Variants in AKAIN1 observed in about 807,000 individuals in gnomAD.
AKAIN1 encodes A-kinase anchor protein inhibitor 1.
Under a neutral mutation model 3.7 loss-of-function variants are expected in AKAIN1, and 3 were observed. The ratio of observed to expected loss-of-function variants is 0.82; its 90% CI spans 0.37 to 2.12. The LOEUF is 2.12. Among genes scored for constraint, AKAIN1 ranks in the 30% most tolerant of loss-of-function variants. AKAIN1 has a pLI of 0.06. For synonymous variants in AKAIN1, 31 were observed against 30.8 expected (o/e 1.01, Z -0.02); for missense variants, 82 against 82.7 (o/e 0.99, Z 0.03).
intron 1 of AKAIN1, among the ~76,000 whole-genome samples, chr18:5,159,084 T>G (rs1244024914): frequency 6.8e-6 from 1 of 147,868 alleles, no homozygotes; most frequent in African/African-American, 2.6e-5. Context: ...GAATCTTGGC[T>G]CTTTTTACTG....
chr18:5,176,908 T>C (rs987808008), intron 1 of AKAIN1, among the ~76,000 whole-genome samples: 2 of 152,132 alleles, frequency 1.3e-5, no homozygotes, highest in Non-Finnish European at 2.9e-5. Flanking sequence ...TGCACCTATA[T>C]ACAGTCTGGA....
Position 5,145,673 on chromosome 18 carries a change from A to G in AKAIN1, c.99T>C (p.Ala33=), listed in dbSNP as rs367797718. ...GACTCTCCTGGGAGACTTGCTGCAC[A>G]GCTTGCAGGATTGCATTCTGCACAA... ...KQIVQNAILQ[A]VQQVSQESQR... The change falls in exon 2 of 2, where the codon GCT becomes GCC. Residue 33 remains alanine (A), a synonymous_variant. Coordinates refer to ENST00000434239, the MANE Select transcript of AKAIN1 (RefSeq NM_001145194.2). 112 of 1,551,576 alleles carry G rather than the reference A, an allele frequency of 7.2e-5. No individual in the cohort carries two copies. The East Asian group carries it at 1.3e-3, about 19-fold the overall frequency.
At chr18:5,189,762 T>TG (rs1183113340) in intron 1 of AKAIN1, among the ~76,000 whole-genome samples, 1 of 151,952 alleles carries the variant, frequency 6.6e-6, no homozygotes, top group African/African-American at 2.4e-5. Context: ...CTCTCTTTTT[T>TG]TTTTTCTGAG....
intron 1 of AKAIN1, among the ~76,000 whole-genome samples, chr18:5,155,763 A>G (rs888125410): frequency 2.6e-5 from 4 of 152,198 alleles, no homozygotes; most frequent in African/African-American, 9.7e-5. Flanking sequence ...AAAGGAAGCC[A>G]CAGTACCAAG....
chr18:5,145,879 A>C, intron 1 of AKAIN1, 124 bp from the exon 2 acceptor site: 1 of 784,524 alleles, frequency 1.3e-6, no homozygotes, highest in East Asian at 2.7e-5. Flanking sequence ...GGAGTGGACC[A>C]GTTAACTATG....
chr18:5,197,272 G>C, upstream of AKAIN1: 5 of 1,374,170 alleles, frequency 3.6e-6, no homozygotes, highest in Non-Finnish European at 4.7e-6. The surrounding 1 kb of genome is among the most constrained non-coding windows in gnomAD (Gnocchi z 6.9). Context: ...CCACAGCGGC[G>C]GCGGGAGGAG....
Position 5,178,548 on chromosome 18 carries a change from A to G in AKAIN1, c.16+18490T>C, listed in dbSNP as rs141970023. ...TCAGTTTATACTTAATGGGAAAACT[A>G]TGAGATAAAAAGAAAGATGATCATT... On this transcript the variant is annotated intron_variant, in intron 1 of 1. Coordinates refer to ENST00000434239, the MANE Select transcript of AKAIN1 (RefSeq NM_001145194.2). Among the ~76,000 whole-genome samples, 194 of 152,264 alleles carry G rather than the reference A, an allele frequency of 1.3e-3. 1 individual carries two copies. The highest frequency in any genetic ancestry group is 2.4e-3 in the Non-Finnish European group (161 of 67,998).
rs1398569625 is a variant in AKAIN1 at position 5,143,806 on chromosome 18, T to C, written c.*1756A>G. 6.6e-6 allele frequency among the ~76,000 whole-genome samples: 1 copy of C among 152,222 alleles called. No individual in the cohort carries two copies. Among genetic ancestry groups the C allele is most frequent in the Non-Finnish European group, 1.5e-5 (1 of 68,038 alleles). ...AGAGGAAAAATAGTATGTTTATATG[T>C]TTCTGTCACTTGACAGCAAAAACAA... On this transcript the variant is annotated 3_prime_UTR_variant, in exon 2 of 2. Coordinates refer to ENST00000434239, the MANE Select transcript of AKAIN1 (RefSeq NM_001145194.2).
At chr18:5,148,008 C>G (rs891084798) in intron 1 of AKAIN1, among the ~76,000 whole-genome samples, 4 of 152,196 alleles carry the variant, frequency 2.6e-5, no homozygotes, top group African/African-American at 9.7e-5. Context: ...CCTCAGTAAG[C>G]CTCTTTGCAT....
chr18:5,178,470 G>A (rs905047491), intron 1 of AKAIN1, among the ~76,000 whole-genome samples: 2 of 152,120 alleles, frequency 1.3e-5, no homozygotes, highest in African/African-American at 4.8e-5. Flanking sequence ...TCAAACCAGG[G>A]CTAGGCTTGA....
chr18:5,196,026 T>A (rs1426882916), intron 1 of AKAIN1, among the ~76,000 whole-genome samples: 1 of 151,070 alleles, frequency 6.6e-6, no homozygotes, highest in African/African-American at 2.4e-5. Context: ...TTCTTCCCTT[T>A]AAAAAAAAAT....
intron 1 of AKAIN1, among the ~76,000 whole-genome samples, chr18:5,173,576 C>T (rs991442406): frequency 1.3e-5 from 2 of 152,160 alleles, no homozygotes; most frequent in African/African-American, 2.4e-5. Context: ...ACTCATTCAG[C>T]GCCCCAGAGG....
At chr18:5,175,863 G>A (rs2071223407) in intron 1 of AKAIN1, among the ~76,000 whole-genome samples, 1 of 152,038 alleles carries the variant, frequency 6.6e-6, no homozygotes, top group African/African-American at 2.4e-5. Flanking sequence ...AAAACACCAT[G>A]ATATGAGGAG....
intron 1 of AKAIN1, among the ~76,000 whole-genome samples, chr18:5,187,733 C>T (rs74985235): frequency 0.019 from 2,877 of 152,196 alleles, 43 homozygotes; most frequent in Non-Finnish European, 0.026. Flanking sequence ...ACTACCGGAT[C>T]CCACCCCTAG....
In AKAIN1 at chr18:5,197,026, G is replaced by T. The variant is rs896536507; in HGVS notation, c.16+12C>A. ...TCCTAGACACTTGGTGAAAAAGCAA[G>T]GTGCGGTGTACCTGGAGCGAACACC... On this transcript the variant is annotated intron_variant, in intron 1 of 1. Transcript: ENST00000434239. This position sits in a 1 kb window ranked among gnomAD's most constrained non-coding sequence, Gnocchi z 6.9. 6.5e-7 allele frequency: 1 copy of T among 1,549,476 alleles called. No individual in the cohort carries two copies. Among genetic ancestry groups the T allele is most frequent in the East Asian group, 2.4e-5 (1 of 40,884 alleles).
chr18:5,188,570 C>T (rs2071300797), intron 1 of AKAIN1, among the ~76,000 whole-genome samples: 1 of 152,038 alleles, frequency 6.6e-6, no homozygotes, highest in Non-Finnish European at 1.5e-5. Context: ...ACAGTGAAGC[C>T]AGCAGACTTT....
At chr18:5,162,604 T>C (rs867678180) in intron 1 of AKAIN1, among the ~76,000 whole-genome samples, 1 of 148,460 alleles carries the variant, frequency 6.7e-6, no homozygotes, top group African/African-American at 2.5e-5. Context: ...ATTCAAACTC[T>C]ATGAAGAGTT....
At chr18:5,193,874 A>G (rs1378259923) in intron 1 of AKAIN1, among the ~76,000 whole-genome samples, 3 of 152,192 alleles carry the variant, frequency 2.0e-5, no homozygotes, top group Non-Finnish European at 4.4e-5. Context: ...GTATTATGGG[A>G]CAAATATATT....
rs1425251536 is a variant in AKAIN1 at position 5,143,166 on chromosome 18, C to T, written c.*2396G>A. 2.0e-5 allele frequency among the ~76,000 whole-genome samples: 3 copies of T among 152,162 alleles called. No individual in the cohort carries two copies. Among genetic ancestry groups the T allele is most frequent in the East Asian group, 3.8e-4 (2 of 5,198 alleles). On this transcript the variant is annotated 3_prime_UTR_variant, in exon 2 of 2. Transcript: ENST00000434239. ...AATCAAGTGGAAATCCACCTTAATC[C>T]TATGTCAAATGAAGTTCTGTAGGCC...
Sources: allele counts gnomAD v4.1 joint callset (sites outside exome capture counted in the v4.1 genomes callset), GRCh38; gene constraint gnomAD v4.1.1; non-coding constraint Gnocchi (gnomAD v3.1); transcripts MANE v1.5; gene names NCBI Gene and HGNC (gene_info 2026-07-23, HGNC 2026-07-21).